Variants in KAZN observed in about 807,000 individuals in gnomAD.
KAZN encodes the protein kazrin, periplakin interacting protein, also known as kazrin.
Under a neutral mutation model 87.4 loss-of-function variants are expected in KAZN, and 40 were observed. The observed-to-expected ratio is 0.46, with a 90% CI of 0.36 to 0.60. The LOEUF (loss-of-function observed/expected upper bound fraction) is 0.60, where lower values mean the gene tolerates loss of function less well. KAZN is among the 20% of genes least tolerant of loss of function. KAZN has a pLI of 0.00. For synonymous variants in KAZN, 466 were observed against 458.3 expected, an observed-to-expected ratio of 1.02 and a Z score of -0.22; for missense variants, 898 against 1,073.9, an observed-to-expected ratio of 0.84 and a Z score of 2.29.
chr1:14,515,733 T>C (rs1671264393), intron 2 of KAZN, among the ~76,000 whole-genome samples: 1 of 152,168 alleles, frequency 6.6e-6, no homozygotes, highest in African/African-American at 2.4e-5. Flanking sequence ...ACCAAGTCTT[T>C]GTGACTGCTT....
intron 6 of KAZN, chr1:15,062,063 A>G (rs902462544): frequency 6.6e-6 from 1 of 152,088 alleles, no homozygotes; most frequent in Non-Finnish European, 1.5e-5. Context: ...CCACGGCCAT[A>G]TTTTGTCTTC....
chr1:14,682,303 T>TC (rs1640716341), intron 1 of KAZN, among the ~76,000 whole-genome samples: 1 of 151,808 alleles, frequency 6.6e-6, no homozygotes, highest in Admixed American at 6.6e-5. Flanking sequence ...TTTTTTTTTT[T>TC]TTAAGACAGG....
intron 1 of KAZN, among the ~76,000 whole-genome samples, chr1:14,140,112 CTCTT>C (rs1287541332): frequency 1.3e-5 from 2 of 152,094 alleles, no homozygotes; most frequent in Non-Finnish European, 2.9e-5. Context: ...AAACCCAACT[CTCTT>C]TCTCCTGAAA....
At chr1:13,962,459 T>C (rs967413128) in intron 1 of KAZN, among the ~76,000 whole-genome samples, 1 of 152,154 alleles carries the variant, frequency 6.6e-6, no homozygotes, top group Non-Finnish European at 1.5e-5. Flanking sequence ...CCTGACACCA[T>C]GTGGGGCTCT....
At chr1:15,013,506 C>T (rs60229455) in intron 2 of KAZN, among the ~76,000 whole-genome samples, 2 of 152,270 alleles carry the variant, frequency 1.3e-5, no homozygotes, top group African/African-American at 2.4e-5. Flanking sequence ...GTAATCCAAG[C>T]GCTTTGGGAG....
At chr1:14,718,710 C>T (rs1004189150) in intron 1 of KAZN, among the ~76,000 whole-genome samples, 4 of 152,158 alleles carry the variant, frequency 2.6e-5, no homozygotes, top group African/African-American at 7.2e-5. Context: ...TGTCACTGGC[C>T]TTCTGGATCC....
intron 2 of KAZN, among the ~76,000 whole-genome samples, chr1:14,380,562 C>T (rs11577334): frequency 0.075 from 11,396 of 152,114 alleles, 505 homozygotes; most frequent in East Asian, 0.15. Flanking sequence ...AGTTGGAAAA[C>T]GCAATTAACA....
At chr1:13,938,700 T>C (rs926521596) in intron 1 of KAZN, among the ~76,000 whole-genome samples, 2 of 152,194 alleles carry the variant, frequency 1.3e-5, no homozygotes. Context: ...CTAGTGGAGC[T>C]GTGGGAAGGG....
chr1:14,112,909 C>T (rs930677098), intron 1 of KAZN, among the ~76,000 whole-genome samples: 1 of 152,198 alleles, frequency 6.6e-6, no homozygotes, highest in African/African-American at 2.4e-5. Context: ...ACTGTTCAGC[C>T]CAGCAGAGTT....
chr1:14,591,447 A>C (rs1389829692), intron 2 of KAZN, among the ~76,000 whole-genome samples: 1 of 151,666 alleles, frequency 6.6e-6, no homozygotes, highest in Non-Finnish European at 1.5e-5. Context: ...ACACACACAC[A>C]CACCAAGAAA....
chr1:14,231,453 A>G (rs1246639394), intron 2 of KAZN, among the ~76,000 whole-genome samples: 1 of 152,312 alleles, frequency 6.6e-6, no homozygotes, highest in East Asian at 1.9e-4. Context: ...TTGGGATTAC[A>G]ACGGCCCATG....
intron 13 of KAZN, among the ~76,000 whole-genome samples, chr1:15,107,009 C>T (rs1426453299): frequency 6.6e-6 from 1 of 152,162 alleles, no homozygotes; most frequent in Non-Finnish European, 1.5e-5. Context: ...TATGGCCTGT[C>T]ACTAAAACAG....
At chr1:14,449,316 C>G (rs955123381) in intron 2 of KAZN, among the ~76,000 whole-genome samples, 1 of 152,200 alleles carries the variant, frequency 6.6e-6, no homozygotes, top group Non-Finnish European at 1.5e-5. Context: ...GGATTCCTCT[C>G]CTTGTATCTG....
At chr1:13,934,801 C>T (rs771865315) in intron 1 of KAZN, among the ~76,000 whole-genome samples, 2 of 152,206 alleles carry the variant, frequency 1.3e-5, no homozygotes, top group East Asian at 1.9e-4. Context: ...TTTACTTGCC[C>T]GGCTCCTCTG....
intron 4 of KAZN, among the ~76,000 whole-genome samples, chr1:15,053,611 A>G (rs969926304): frequency 6.6e-6 from 1 of 152,194 alleles, no homozygotes; most frequent in Non-Finnish European, 1.5e-5. Flanking sequence ...ATGTGGGCTT[A>G]AGGGAAACCA....
intron 2 of KAZN, among the ~76,000 whole-genome samples, chr1:15,015,376 C>T (rs1016495280): frequency 2.6e-5 from 4 of 152,178 alleles, no homozygotes; most frequent in Non-Finnish European, 5.9e-5. Flanking sequence ...TGGTCTTGAT[C>T]TCCTGACCTC....
chr1:14,437,357 A>G (rs1005118759), intron 2 of KAZN, among the ~76,000 whole-genome samples: 1 of 152,204 alleles, frequency 6.6e-6, no homozygotes, highest in Non-Finnish European at 1.5e-5. Flanking sequence ...TGAAACGCGC[A>G]TGTTGAAGAG....
At chr1:14,376,241 G>A (rs1203009322) in intron 2 of KAZN, among the ~76,000 whole-genome samples, 1 of 152,144 alleles carries the variant, frequency 6.6e-6, no homozygotes, top group Non-Finnish European at 1.5e-5. Context: ...AAAGAATACA[G>A]TACTTTCATC....
At chr1:14,701,540 C>T (rs1053987061) in intron 1 of KAZN, among the ~76,000 whole-genome samples, 1 of 152,214 alleles carries the variant, frequency 6.6e-6, no homozygotes, top group African/African-American at 2.4e-5. Context: ...TGCCTATAAT[C>T]GCAGCACTTT....
Sources: gnomAD v4.1 joint callset for allele counts (sites outside exome capture counted in the v4.1 genomes callset) on GRCh38, gnomAD v4.1.1 for gene constraint, MANE v1.5 for transcripts, NCBI Gene and HGNC (gene_info 2026-07-23, HGNC 2026-07-21) for gene names.